The following IGF1R variants were observed in gnomAD, a reference collection of about 807,000 sequenced individuals.
IGF1R encodes the protein insulin-like growth factor 1 receptor.
In IGF1R, 44 loss-of-function variants were observed where a neutral mutation model predicts 144.6. The ratio of observed to expected loss-of-function variants is 0.30; its 90% confidence interval spans 0.24 to 0.39. The LOEUF is 0.39. Among genes scored for constraint, IGF1R ranks in the 10% least tolerant of loss-of-function variants. The pLI, the probability that IGF1R is intolerant of heterozygous loss-of-function variation, is 1.00. For synonymous variants in IGF1R, 795 were observed against 722.8 expected (o/e 1.10, Z -1.60); for missense variants, 1,355 against 1,833.7 (o/e 0.74, Z 4.77).
At chr15:98,888,438 A>AGTGTGTGTGTGTGTGTGT (rs1191582086) in intron 2 of IGF1R, among the ~76,000 whole-genome samples, 4 of 143,454 alleles carry the variant, frequency 2.8e-5, no homozygotes, top group East Asian at 4.2e-4. Flanking sequence ...AGAGAGAGAG[A>AGTGTGTGTGTGTGTGTGT]GTGTGTGTGT....
chr15:98,910,640 G>T, intron 6 of IGF1R, among the ~76,000 whole-genome samples: 1 of 152,156 alleles, frequency 6.6e-6, no homozygotes, highest in East Asian at 1.9e-4. Context: ...GAGACACTTG[G>T]CACAGCTTCC....
At position 98,946,785 on chromosome 15, in the gene IGF1R, C is replaced by T. The variant is rs61596460; in HGVS notation, c.3588-1789C>T. 1.6e-3 allele frequency among the ~76,000 whole-genome samples: 242 copies of T among 152,162 alleles called. 7 individuals carry two copies. The East Asian group carries it at 0.042, about 27-fold the overall frequency. ...GGGAGGGCCAGGGTGGGAGCCGTGC[C>T]GTGAGAACTGGCTGCCTGCAAGCCG... On this transcript the variant is annotated intron_variant, in intron 19 of 20. Coordinates refer to ENST00000650285, the MANE Select transcript of IGF1R (RefSeq NM_000875.5).
At chr15:98,733,191 AAG>A (rs1347461302) in intron 2 of IGF1R, among the ~76,000 whole-genome samples, 1 of 152,026 alleles carries the variant, frequency 6.6e-6, no homozygotes, top group Non-Finnish European at 1.5e-5. Context: ...TCTCCAATAA[AAG>A]GGGTTGTTTT....
chr15:98,748,609 T>G (rs1175043923), intron 2 of IGF1R, among the ~76,000 whole-genome samples: 1 of 152,224 alleles, frequency 6.6e-6, no homozygotes, highest in Non-Finnish European at 1.5e-5. Context: ...ATTGGAAAAC[T>G]GTAGGAAACT....
At chr15:98,925,801 G>A (rs1038759873) in intron 13 of IGF1R, among the ~76,000 whole-genome samples, 9 of 152,230 alleles carry the variant, frequency 5.9e-5, no homozygotes, top group African/African-American at 2.2e-4. Flanking sequence ...CTACTTGGGA[G>A]GTTGAGGCAA....
chr15:98,680,483 G>A (rs1191783689), intron 1 of IGF1R, among the ~76,000 whole-genome samples: 2 of 152,048 alleles, frequency 1.3e-5, no homozygotes, highest in South Asian at 2.1e-4. Context: ...AGCCAGGATG[G>A]TCTCAATCTC....
chr15:98,922,091 T>C (rs2015513387), intron 10 of IGF1R, 57 bp from the exon 11 acceptor site: 2 of 1,588,060 alleles, frequency 1.3e-6, no homozygotes, highest in Non-Finnish European at 1.7e-6. Context: ...ACTCAAGTCA[T>C]AGAAAAGACA....
rs369891040 is a variant in IGF1R, at chr15:98,915,961, C to T, written c.1829-3C>T. ...CTAGAATGTTCTTTGTTCCCCTCTC[C>T]AGTTCCTTCCATTCCCTTGGACGTT... On this transcript the variant is annotated splice_polypyrimidine_tract_variant and splice_region_variant and intron_variant, in intron 8 of 20. Coordinates refer to ENST00000650285, the MANE Select transcript of IGF1R (RefSeq NM_000875.5). 8.1e-6 allele frequency: 13 copies of T among 1,613,562 alleles called. No individual in the cohort carries two copies. The highest frequency in any genetic ancestry group is 1.3e-5 in the African/African-American group (1 of 74,908).
chr15:98,953,307 G>C (rs1055014907), intron 20 of IGF1R, among the ~76,000 whole-genome samples: 1 of 152,174 alleles, frequency 6.6e-6, no homozygotes, highest in Non-Finnish European at 1.5e-5. Flanking sequence ...ACAAGGTGTC[G>C]AGGTCTGAGT....
rs765173001 is a variant in IGF1R, at chr15:98,707,956, G to A, written c.489G>A (p.Ala163=). ...STVDWSLILD[A]VSNNYIVGNK... ...TGGACTGGTCCCTGATCCTGGATGC[G>A]GTGTCCAATAACTACATTGTGGGGA... Residue 163 remains alanine (A), a synonymous_variant, in exon 2 of 21, where the codon GCG becomes GCA. Transcript: ENST00000650285. The surrounding 1 kb of genome is among the most constrained non-coding windows in gnomAD (Gnocchi z 6.7). 1.7e-5 allele frequency: 27 copies of A among 1,614,002 alleles called. No individual in the cohort carries two copies. The highest frequency in any genetic ancestry group is 1.0e-4 in the Admixed American group (6 of 59,998).
At chr15:98,678,708 G>C (rs2053110077) in intron 1 of IGF1R, among the ~76,000 whole-genome samples, 1 of 151,862 alleles carries the variant, frequency 6.6e-6, no homozygotes, top group South Asian at 2.1e-4. Flanking sequence ...AGTTTTTGTA[G>C]AGATGGGGTT....
intron 2 of IGF1R, among the ~76,000 whole-genome samples, chr15:98,724,177 T>C (rs1186159387): frequency 6.6e-6 from 1 of 152,230 alleles, no homozygotes. Context: ...CATTAACTTT[T>C]TCTATTGTGT....
chr15:98,885,598 G>T (rs1400298118), intron 2 of IGF1R, among the ~76,000 whole-genome samples: 1 of 152,130 alleles, frequency 6.6e-6, no homozygotes, highest in African/African-American at 2.4e-5. Context: ...CGTTTATATG[G>T]AACAGTGGTG....
intron 2 of IGF1R, among the ~76,000 whole-genome samples, chr15:98,838,346 G>T (rs2011123151): frequency 6.6e-6 from 1 of 152,186 alleles, no homozygotes; most frequent in Admixed American, 6.5e-5. Context: ...ATAAAAAATA[G>T]CACGTGACCC....
rs188620873 is a variant in IGF1R at position 98,743,191 on chromosome 15, C to T, written c.640+35084C>T. Among the ~76,000 whole-genome samples, 209 of 152,190 alleles carry T rather than the reference C, an allele frequency of 1.4e-3. No individual in the cohort carries two copies. In the Middle Eastern group the frequency reaches 0.027, roughly 20 times the overall value. On this transcript the variant is annotated intron_variant, in intron 2 of 20. Transcript: ENST00000650285. ...GGATTTAAACATACGGGAAGTAAGACGGAAATTCATTACTTTTAAAAAACA... is the reference window on the plus strand; with the variant it reads ...GGATTTAAACATACGGGAAGTAAGATGGAAATTCATTACTTTTAAAAAACA...
At chr15:98,672,893 G>T (rs1406559544) in intron 1 of IGF1R, among the ~76,000 whole-genome samples, 1 of 152,166 alleles carries the variant, frequency 6.6e-6, no homozygotes, top group Non-Finnish European at 1.5e-5. Flanking sequence ...AAATGTTTCT[G>T]GGTGGGATTC....
intron 1 of IGF1R, among the ~76,000 whole-genome samples, chr15:98,655,425 A>G (rs1012001681): frequency 6.6e-6 from 1 of 152,048 alleles, no homozygotes; most frequent in Non-Finnish European, 1.5e-5. Flanking sequence ...TGCCGGCTTT[A>G]CTTATGTTTT....
At chr15:98,831,150 A>C (rs1180473711) in intron 2 of IGF1R, among the ~76,000 whole-genome samples, 1 of 152,242 alleles carries the variant, frequency 6.6e-6, no homozygotes, top group African/African-American at 2.4e-5. Context: ...TTTCAACATG[A>C]GATTTGGAGG....
At position 98,755,739 on chromosome 15, in the gene IGF1R, AAAAAAAAAAAAAAAG is replaced by A. The variant is rs1270985665; in HGVS notation, c.640+47633_640+47647del. Among the ~76,000 whole-genome samples the A allele has an allele frequency of 9.6e-4, 122 of 127,360 alleles. No individual in the cohort carries two copies. The Middle Eastern group carries it at 0.015, about 16-fold the overall frequency. The allele number at this position is 127,360 out of a possible 152,430, so 83.6% of individuals were successfully genotyped here. On this transcript the variant is annotated intron_variant, in intron 2 of 20. Transcript: ENST00000650285. ...ATTGCAAAAAAAAAAAAAAAAAAAA[AAAAAAAAAAAAAAAG>A]GCATTACTGCCTTGTTCCTGATTTA... is the stretch of plus-strand genomic sequence containing the variant.
Sources: allele counts gnomAD v4.1 joint callset (sites outside exome capture counted in the v4.1 genomes callset), GRCh38; gene constraint gnomAD v4.1.1; non-coding constraint Gnocchi (gnomAD v3.1); transcripts MANE v1.5; gene names NCBI Gene and HGNC (gene_info 2026-07-23, HGNC 2026-07-21).